LRRC56: variants seen among roughly 807,000 people sequenced by gnomAD.
LRRC56 encodes the protein leucine rich repeat containing 56.
In LRRC56, 41 loss-of-function variants were observed where a neutral mutation model predicts 47.8. The ratio of observed to expected loss-of-function variants is 0.86; its 90% confidence interval spans 0.67 to 1.11. The LOEUF is 1.11. LRRC56 is among the 50% of genes most tolerant of loss of function. The pLI is 0.00. For synonymous variants in LRRC56, 387 were observed against 311.2 expected, an observed-to-expected ratio of 1.24 and a Z score of -2.56; for missense variants, 759 against 704.2, an observed-to-expected ratio of 1.08 and a Z score of -0.88.
chr11:543,541 C>T (rs565175744), intron 5 of LRRC56, among the ~76,000 whole-genome samples: 4 of 152,192 alleles, frequency 2.6e-5, no homozygotes, highest in African/African-American at 9.6e-5. Flanking sequence ...AGCAGGGAAG[C>T]GTCTTCCCAC....
the LRRC56 span, chr11:528,588 G>A: frequency 3.9e-5 from 6 of 152,302 alleles, no homozygotes; most frequent in African/African-American, 1.4e-4. Flanking sequence ...CCCTCCCCGC[G>A]TCTGCATCCC....
At chr11:548,189 C>T (rs1264459646) in intron 6 of LRRC56, among the ~76,000 whole-genome samples, 1 of 152,086 alleles carries the variant, frequency 6.6e-6, no homozygotes, top group Non-Finnish European at 1.5e-5. Context: ...AAAGGAAAAA[C>T]AAACTGAATT....
chr11:552,524 G>T (rs371248687), intron 12 of LRRC56, 45 bp from the exon 13 acceptor site: 3 of 1,534,902 alleles, frequency 2.0e-6, no homozygotes, highest in South Asian at 1.2e-5. Flanking sequence ...GTCCTGTCCC[G>T]TGGGGGGATC....
chr11:532,411 G>T, the LRRC56 span: 1 of 648,430 alleles, frequency 1.5e-6, no homozygotes, highest in Non-Finnish European at 2.7e-6. Context: ...ACGGTCCCGG[G>T]GTGACTGGGC....
chr11:509,996 C>T, the LRRC56 span, among the ~76,000 whole-genome samples: 1 of 151,652 alleles, frequency 6.6e-6, no homozygotes, highest in Non-Finnish European at 1.5e-5. Flanking sequence ...CTCATTTCCC[C>T]GGGTCCTGGC....
intron 12 of LRRC56, 22 bp from the exon 13 acceptor site, chr11:552,544 GCTT>G (rs1463754050): frequency 6.3e-6 from 10 of 1,577,716 alleles, no homozygotes; most frequent in African/African-American, 4.1e-5. Context: ...CAGGGCTGGA[GCTT>G]CTCCTCCTCT....
chr11:543,049 G>A (rs1851881499), intron 5 of LRRC56, among the ~76,000 whole-genome samples: 1 of 151,570 alleles, frequency 6.6e-6, no homozygotes, highest in Admixed American at 6.6e-5. Context: ...TCACCACCAC[G>A]CCCAGCTGAT....
Position 552,218 on chromosome 11 carries a change from G to A in LRRC56, c.1167G>A (p.Arg389=). ...FLALAGLRAW[R]EHGVRPLPYR... ...CCTTGGCTGGGCTCAGGGCCTGGAGGGAACATGGCGTGCGGTGGGTGTCCC... is the reference window on the plus strand; with the variant it reads ...CCTTGGCTGGGCTCAGGGCCTGGAGAGAACATGGCGTGCGGTGGGTGTCCC... The change falls in exon 12 of 14, where the codon AGG becomes AGA. Residue 389 remains arginine, a synonymous_variant. Transcript: ENST00000270115. 1 of 1,610,358 alleles carries A rather than the reference G, an allele frequency of 6.2e-7. No individual in the cohort carries two copies. The highest frequency in any genetic ancestry group is 8.5e-7 in the Non-Finnish European group (1 of 1,178,096).
At position 552,178 on chromosome 11, in the gene LRRC56, G is replaced by C; in HGVS notation, c.1127G>C (p.Ser376Thr). ...ACCCCAGAGCCTGACCCTGCAGACAGCTCTGACTTCCTGGCCTTGGCTGGG... is the reference window on the plus strand; with the variant it reads ...ACCCCAGAGCCTGACCCTGCAGACACCTCTGACTTCCTGGCCTTGGCTGGG... ...TSTPEPDPAD[S>T]SDFLALAGLR... Residue 376 changes from serine (S) to threonine (T), a missense_variant, in exon 12 of 14, where the codon AGC becomes ACC. Coordinates refer to ENST00000270115, the MANE Select transcript of LRRC56 (RefSeq NM_198075.4). The C allele has an allele frequency of 1.2e-6, 2 of 1,612,678 alleles. No individual in the cohort carries two copies. Among genetic ancestry groups the C allele is most frequent in the Non-Finnish European group, 1.7e-6 (2 of 1,179,852 alleles).
chr11:516,347 C>T, the LRRC56 span, among the ~76,000 whole-genome samples: 16 of 151,966 alleles, frequency 1.1e-4, no homozygotes, highest in Middle Eastern at 6.8e-3. Context: ...GAGCTGAGAT[C>T]GTACCACTGC....
intron 5 of LRRC56, among the ~76,000 whole-genome samples, chr11:544,081 G>C (rs896084382): frequency 1.3e-5 from 2 of 152,238 alleles, no homozygotes; most frequent in Non-Finnish European, 2.9e-5. Context: ...CAGGGATTCT[G>C]TCTGCCTCAC....
the LRRC56 span, among the ~76,000 whole-genome samples, chr11:520,737 G>C: frequency 6.6e-6 from 1 of 152,032 alleles, no homozygotes. Flanking sequence ...CCTCCATCCA[G>C]GGTCTCCTGG....
chr11:546,246 C>T (rs535631570), intron 6 of LRRC56, among the ~76,000 whole-genome samples: 42 of 151,640 alleles, frequency 2.8e-4, no homozygotes, highest in African/African-American at 1.0e-3. Context: ...ACACTCCAGC[C>T]GGGGCAACAG....
chr11:526,199 C>T, the LRRC56 span, among the ~76,000 whole-genome samples: 3 of 151,916 alleles, frequency 2.0e-5, no homozygotes, highest in African/African-American at 4.8e-5. Flanking sequence ...AGTGAGACTC[C>T]GTCTCAAAAG....
the LRRC56 span, chr11:532,195 G>A: frequency 1.5e-5 from 5 of 332,426 alleles, no homozygotes; most frequent in Non-Finnish European, 2.9e-5. Context: ...CATACCTCAT[G>A]CCAGGCCACA....
chr11:514,849 G>A, the LRRC56 span, among the ~76,000 whole-genome samples: 2 of 152,104 alleles, frequency 1.3e-5, no homozygotes, highest in Non-Finnish European at 2.9e-5. Flanking sequence ...TGGTAACCCA[G>A]GCCCGCCTGT....
At chr11:532,182 C>T in the LRRC56 span, 8 of 310,826 alleles carry the variant, frequency 2.6e-5, no homozygotes, top group South Asian at 9.0e-5. Context: ...CCTGAGGTTC[C>T]GACATACCTC....
At chr11:535,829 G>A (rs957967137), upstream of LRRC56, among the ~76,000 whole-genome samples, 5 of 152,118 alleles carry the variant, frequency 3.3e-5, no homozygotes, top group Admixed American at 6.5e-5. Context: ...CTGGGGGCCC[G>A]GGGCGGCATC....
intron 8 of LRRC56, 87 bp from the exon 9 acceptor site, chr11:551,044 C>T (rs939331636): frequency 1.4e-5 from 11 of 798,048 alleles, no homozygotes; most frequent in South Asian, 2.1e-5. Context: ...CACGGTGGGT[C>T]TGGGAAAGGG....
Sources: allele counts gnomAD v4.1 joint callset (sites outside exome capture counted in the v4.1 genomes callset), GRCh38; gene constraint gnomAD v4.1.1; transcripts MANE v1.5; gene names NCBI Gene and HGNC (gene_info 2026-07-23, HGNC 2026-07-21).